Variants in PAFAH1B1 observed in about 807,000 individuals in gnomAD.
The protein encoded by PAFAH1B1 is platelet-activating factor acetylhydrolase IB subunit beta.
A neutral mutation model predicts 57.5 loss-of-function variants in PAFAH1B1; 2 were observed. The observed-to-expected ratio is 0.03, with a 90% CI of 0.01 to 0.11. PAFAH1B1 has a LOEUF of 0.11. Ranked by LOEUF, PAFAH1B1 falls within the 10% of genes least tolerant of loss-of-function variation. PAFAH1B1 has a pLI of 1.00. For synonymous variants in PAFAH1B1, 152 were observed against 169.6 expected, an observed-to-expected ratio of 0.90 and a Z score of 0.81; for missense variants, 257 against 512.0, an observed-to-expected ratio of 0.50 and a Z score of 4.81.
intron 2 of PAFAH1B1, among the ~76,000 whole-genome samples, chr17:2,656,996 A>G (rs944374230): frequency 6.6e-6 from 1 of 151,912 alleles, no homozygotes; most frequent in Non-Finnish European, 1.5e-5. Flanking sequence ...GCCTGGGCCC[A>G]CTGCAAGCTG....
At chr17:2,605,827 C>A (rs957281562) in intron 1 of PAFAH1B1, among the ~76,000 whole-genome samples, 2 of 151,986 alleles carry the variant, frequency 1.3e-5, no homozygotes, top group Non-Finnish European at 2.9e-5. Context: ...AGGAATGGTA[C>A]CTAGAACATA....
At position 2,667,134 on chromosome 17, in the gene PAFAH1B1, C is replaced by G; in HGVS notation, c.335C>G (p.Thr112Ser). Residue 112 changes from threonine to serine, a missense_variant, in exon 5 of 11, where the codon ACT becomes AGT. Physicochemically the swap from Thr to Ser is moderately conservative, Grantham distance 58 (BLOSUM62 1). Transcript: ENST00000397195. The stretch of plus-strand genomic sequence containing the variant: ...TTGAGTGGTCACAGGAGTCCAGTCA[C>G]TCGAGTCATTTTCCATCCTGTGTTC... Reference protein sequence around the residue: ...YALSGHRSPVTRVIFHPVFSV... With the variant: ...YALSGHRSPVSRVIFHPVFSV... The G allele has an allele frequency of 6.2e-7, 1 of 1,613,810 alleles. No individual in the cohort carries two copies. Among genetic ancestry groups the G allele is most frequent in the Non-Finnish European group, 8.5e-7 (1 of 1,179,764 alleles).
chr17:2,655,179 A>ATGTGTG (rs1491329625), intron 2 of PAFAH1B1, among the ~76,000 whole-genome samples: 8 of 122,694 alleles, frequency 6.5e-5, no homozygotes, highest in African/African-American at 2.6e-4. Context: ...ATATATATAC[A>ATGTGTG]TATATGTGTG....
chr17:2,652,226 C>T (rs61419149), intron 2 of PAFAH1B1, among the ~76,000 whole-genome samples: 10,160 of 151,856 alleles, frequency 0.067, 540 homozygotes, highest in East Asian at 0.24. Flanking sequence ...CTGGCTAACA[C>T]GGTGAAACCC....
intron 1 of PAFAH1B1, among the ~76,000 whole-genome samples, chr17:2,597,781 A>T (rs2068100521): frequency 6.6e-6 from 1 of 150,852 alleles, no homozygotes; most frequent in Non-Finnish European, 1.5e-5. Flanking sequence ...AGAGACAGAA[A>T]GTGTGTGTGT....
At chr17:2,634,213 T>A (rs993987089) in intron 1 of PAFAH1B1, among the ~76,000 whole-genome samples, 3 of 152,132 alleles carry the variant, frequency 2.0e-5, no homozygotes, top group Admixed American at 2.0e-4. Context: ...TCAGCTCAAC[T>A]GCAACCTCCG....
At chr17:2,621,128 AC>A (rs2068416283) in intron 1 of PAFAH1B1, among the ~76,000 whole-genome samples, 1 of 151,888 alleles carries the variant, frequency 6.6e-6, no homozygotes, top group African/African-American at 2.4e-5. Flanking sequence ...TTTTGAAACT[AC>A]CTTTTTTTTT....
chr17:2,664,306 G>A (rs2069064485), intron 2 of PAFAH1B1, among the ~76,000 whole-genome samples: 1 of 151,996 alleles, frequency 6.6e-6, no homozygotes, highest in South Asian at 2.1e-4. Context: ...GCAGTGGCAC[G>A]AACTGGGCTC....
At chr17:2,643,028 T>C (rs936092329) in intron 2 of PAFAH1B1, among the ~76,000 whole-genome samples, 2 of 152,052 alleles carry the variant, frequency 1.3e-5, no homozygotes, top group African/African-American at 4.8e-5. Flanking sequence ...GAGATAGATA[T>C]ATATCTTCTT....
intron 1 of PAFAH1B1, among the ~76,000 whole-genome samples, chr17:2,594,841 C>T (rs930370754): frequency 6.6e-5 from 10 of 152,214 alleles, no homozygotes; most frequent in African/African-American, 2.4e-4. Flanking sequence ...TGCATATTTA[C>T]CCTCTTTAGC....
At chr17:2,640,328 A>G (rs2068678842) in intron 2 of PAFAH1B1, 1 of 143,908 alleles carries the variant, frequency 6.9e-6, no homozygotes, top group South Asian at 2.1e-4. Flanking sequence ...TTTAGCCCTC[A>G]TGTGTCTTCA....
At chr17:2,650,418 A>G (rs1031090621) in intron 2 of PAFAH1B1, among the ~76,000 whole-genome samples, 3 of 151,864 alleles carry the variant, frequency 2.0e-5, no homozygotes, top group Non-Finnish European at 4.4e-5. Flanking sequence ...AGGCTGAGAC[A>G]GGAGAATCAC....
At position 2,668,241 on chromosome 17, in the gene PAFAH1B1, G is replaced by T. The variant is rs749211727; in HGVS notation, c.399+1043G>T. Among the ~76,000 whole-genome samples, 8 of 149,896 alleles carry T rather than the reference G, an allele frequency of 5.3e-5. 1 individual carries two copies. Among genetic ancestry groups the T allele is most frequent in the African/African-American group, 1.8e-4 (7 of 39,336 alleles). On this transcript the variant is annotated intron_variant, in intron 5 of 10. Coordinates refer to ENST00000397195, the MANE Select transcript of PAFAH1B1 (RefSeq NM_000430.4). ...CTTGGAAGGCTGAGGCAGGAAATTCGCTTGAACCCAGGAGACAGGTTGCAG... is the reference window on the plus strand; with the variant it reads ...CTTGGAAGGCTGAGGCAGGAAATTCTCTTGAACCCAGGAGACAGGTTGCAG...
chr17:2,678,020 G>A (rs1357570062), intron 9 of PAFAH1B1, among the ~76,000 whole-genome samples: 3 of 151,930 alleles, frequency 2.0e-5, no homozygotes, highest in African/African-American at 7.3e-5. Flanking sequence ...ACTTTTGGAG[G>A]CTGAGGCAGG....
intron 9 of PAFAH1B1, 117 bp from the exon 10 acceptor site, chr17:2,680,045 CTT>C: frequency 1.1e-6 from 1 of 939,596 alleles, no homozygotes. Context: ...ATCCCCTAGA[CTT>C]TTATTTTCTT....
Position 2,676,606 on chromosome 17 carries a change from C to T in PAFAH1B1, c.1002C>T (p.Leu334=), listed in dbSNP as rs199648962. 214 of 1,566,050 alleles carry T rather than the reference C, an allele frequency of 1.4e-4. 1 individual carries two copies. Among genetic ancestry groups the T allele is most frequent in the Non-Finnish European group, 1.7e-4 (194 of 1,136,278 alleles). ...GTACTGGCATGTGCCTTATGACCCT[C>T]GTAAGTTTGCATAATCTTACCATTT... ...DVSTGMCLMT[L]VGHDNWVRGV... The change falls in exon 9 of 11, where the codon CTC becomes CTT. Residue 334 remains leucine (L), a splice_region_variant and synonymous_variant. Transcript: ENST00000397195.
Position 2,626,143 on chromosome 17 carries a change from A to G in PAFAH1B1, c.-190-11956A>G, listed in dbSNP as rs148924684. Among the ~76,000 whole-genome samples, 1,490 of 151,976 alleles carry G rather than the reference A, an allele frequency of 9.8e-3. 12 individuals are homozygous for G. The highest frequency in any genetic ancestry group is 0.015 in the Non-Finnish European group (991 of 67,976). On this transcript the variant is annotated intron_variant, in intron 1 of 10. Coordinates refer to ENST00000397195, the MANE Select transcript of PAFAH1B1 (RefSeq NM_000430.4). The stretch of plus-strand genomic sequence containing the variant: ...GTGGTATGCACCTGTAATACCAGCT[A>G]CTCGGGAGGCTGAGGCAAAACAATC...
intron 1 of PAFAH1B1, among the ~76,000 whole-genome samples, chr17:2,604,582 G>T (rs2068185008): frequency 6.6e-6 from 1 of 152,136 alleles, no homozygotes; most frequent in Non-Finnish European, 1.5e-5. Flanking sequence ...AGGCTGAGGT[G>T]GGTGGATCAC....
intron 2 of PAFAH1B1, among the ~76,000 whole-genome samples, chr17:2,659,247 A>C (rs927155704): frequency 8.0e-6 from 1 of 124,422 alleles, no homozygotes; most frequent in Non-Finnish European, 1.7e-5. Flanking sequence ...CTCCGTTTCA[A>C]AAAAAAAAAG....
Sources: gnomAD v4.1 joint callset for allele counts (sites outside exome capture counted in the v4.1 genomes callset) on GRCh38, gnomAD v4.1.1 for gene constraint, MANE v1.5 for transcripts, NCBI Gene and HGNC (gene_info 2026-07-23, HGNC 2026-07-21) for gene names.